The following PSMD1 variants were observed in gnomAD, a reference collection of about 807,000 sequenced individuals.
PSMD1 encodes proteasome 26S subunit, non-ATPase 1.
In PSMD1, 18 loss-of-function variants were observed where a neutral mutation model predicts 119.0. The ratio of observed to expected loss-of-function variants is 0.15; its 90% CI spans 0.10 to 0.22. The LOEUF is 0.22. Among genes scored for constraint, PSMD1 ranks in the 10% least tolerant of loss-of-function variants. The probability of loss-of-function intolerance (pLI) is 1.00; values close to 1 mark genes in which losing one functional copy is unlikely to be tolerated. For synonymous variants in PSMD1, 374 were observed against 396.6 expected (o/e 0.94, Z 0.68); for missense variants, 702 against 1,158.5 (o/e 0.61, Z 5.72).
rs1418024804 is a variant in PSMD1, at chr2:231,165,034, T to TTTTATATATATA, written c.2482-165_2482-164insTTATATATATAT. 32 of 21,834 alleles carry TTTTATATATATA rather than the reference T, an allele frequency of 1.5e-3. 4 individuals are homozygous for TTTTATATATATA. The highest frequency in any genetic ancestry group is 2.6e-3 in the Admixed American group (4 of 1,568). The allele number at this position is 21,834 out of a possible 1,614,324, so 1.4% of individuals were successfully genotyped here. A position where few individuals can be genotyped will look rare whatever the true frequency, so the allele number is the denominator to read the frequency against. ...CATTTATTCTTTGATTTATATATATTTATATATATATATATATATATATAT... is the reference window on the plus strand; with the variant it reads ...CATTTATTCTTTGATTTATATATATTTTTATATATATATATATATATATATATATATATATAT... On this transcript the variant is annotated intron_variant, in intron 21 of 24. Transcript: ENST00000308696.
Position 231,122,300 on chromosome 2 carries a change from A to G in PSMD1, c.1884-16436A>G, listed in dbSNP as rs1252380391. Among the ~76,000 whole-genome samples the G allele has an allele frequency of 3.9e-5, 6 of 152,252 alleles. No individual in the cohort carries two copies. In the East Asian group the frequency reaches 9.6e-4, roughly 24 times the overall value. ...TTACTATCTGATAATAGTTTTAGAT[A>G]TCTTTCTGTTATTACTTATAAAATT... is the stretch of plus-strand genomic sequence containing the variant. On this transcript the variant is annotated intron_variant, in intron 16 of 24. Coordinates refer to ENST00000308696, the MANE Select transcript of PSMD1 (RefSeq NM_002807.4).
At chr2:231,085,178 G>GTCTAGGT in intron 15 of PSMD1, 64 bp downstream of exon 15, 2 of 1,356,714 alleles carry the variant, frequency 1.5e-6, no homozygotes, top group Non-Finnish European at 1.1e-6. Flanking sequence ...GACAATAAGT[G>GTCTAGGT]TCTAGGTGAC....
chr2:231,123,283 C>T (rs1695609207), intron 16 of PSMD1: 1 of 747,678 alleles, frequency 1.3e-6, no homozygotes, highest in Non-Finnish European at 2.4e-6. Flanking sequence ...GGACTGTTTA[C>T]TTGCCGTATC....
chr2:231,087,255 CCAAA>C (rs1292252979), intron 16 of PSMD1, 74 bp downstream of exon 16: 36 of 1,292,228 alleles, frequency 2.8e-5, no homozygotes, highest in Non-Finnish European at 3.9e-5. Flanking sequence ...ACCGAAACTA[CCAAA>C]CAGTTTAGTC....
At chr2:231,123,979 A>G in intron 16 of PSMD1, 1 of 537,776 alleles carries the variant, frequency 1.9e-6, no homozygotes, top group Non-Finnish European at 3.3e-6. Flanking sequence ...AGTATTTATT[A>G]TTTTCTAGAG....
At chr2:231,080,013 G>A (rs1694267901) in intron 11 of PSMD1, 128 bp from the exon 12 acceptor site, 1 of 747,180 alleles carries the variant, frequency 1.3e-6, no homozygotes, top group South Asian at 2.5e-5. Context: ...ATATGAGAGA[G>A]AGCCCCACTA....
intron 16 of PSMD1, among the ~76,000 whole-genome samples, chr2:231,121,007 T>G (rs1695521449): frequency 1.3e-5 from 2 of 152,242 alleles, no homozygotes. Flanking sequence ...ATACATGCAG[T>G]TCCCAATTTA....
chr2:231,140,280 G>A (rs895285608), intron 17 of PSMD1, among the ~76,000 whole-genome samples: 36 of 151,832 alleles, frequency 2.4e-4, no homozygotes, highest in Admixed American at 1.3e-4. Flanking sequence ...CAGATCACGA[G>A]GTCAGGAGTT....
chr2:231,067,628 C>T (rs1050279184), intron 5 of PSMD1, among the ~76,000 whole-genome samples: 6 of 152,240 alleles, frequency 3.9e-5, no homozygotes, highest in Non-Finnish European at 7.4e-5. Context: ...CCTCGTTCCC[C>T]CTTCCAAAAA....
At chr2:231,141,363 A>G (rs1334905311) in intron 17 of PSMD1, among the ~76,000 whole-genome samples, 1 of 151,378 alleles carries the variant, frequency 6.6e-6, no homozygotes, top group East Asian at 1.9e-4. Context: ...AAAAATTTGT[A>G]AAGAGACATC....
At chr2:231,067,447 T>G (rs1693935921) in intron 5 of PSMD1, among the ~76,000 whole-genome samples, 1 of 152,146 alleles carries the variant, frequency 6.6e-6, no homozygotes, top group South Asian at 2.1e-4. Flanking sequence ...TTGCGGTGTT[T>G]GCAATAATTA....
intron 19 of PSMD1, among the ~76,000 whole-genome samples, 166 bp from the exon 20 acceptor site, chr2:231,161,173 CT>C (rs1379080140): frequency 2.0e-5 from 3 of 151,844 alleles, no homozygotes; most frequent in African/African-American, 7.3e-5. Context: ...GATCGTGCTG[CT>C]GCACTTGGGT....
intron 16 of PSMD1, among the ~76,000 whole-genome samples, chr2:231,115,587 T>A (rs1224200415): frequency 6.6e-6 from 1 of 152,008 alleles, no homozygotes; most frequent in East Asian, 1.9e-4. Flanking sequence ...TGCCTGCTTG[T>A]TGAATTGGGG....
At chr2:231,063,858 C>T (rs1340138485) in intron 4 of PSMD1, among the ~76,000 whole-genome samples, 1 of 151,300 alleles carries the variant, frequency 6.6e-6, no homozygotes, top group Non-Finnish European at 1.5e-5. Flanking sequence ...AGGGCAGGAT[C>T]TCACTGTGTT....
chr2:231,065,975 T>A (rs951355029), intron 4 of PSMD1, among the ~76,000 whole-genome samples: 1 of 152,260 alleles, frequency 6.6e-6, no homozygotes, highest in Non-Finnish European at 1.5e-5. Context: ...GTACCTTTTC[T>A]GTGTTTAGAC....
In PSMD1 at chr2:231,087,176, A is replaced by G. The variant is rs2125177864; in HGVS notation, c.1878A>G (p.Leu626=). 3 of 1,612,786 alleles carry G rather than the reference A, an allele frequency of 1.9e-6. No individual in the cohort carries two copies. Among genetic ancestry groups the G allele is most frequent in the Middle Eastern group, 1.7e-4 (1 of 6,026 alleles). ...RAAVESLGFI[L]FRTPEQCPSV... ...CAGTAGAATCACTTGGGTTCATTCT[A>G]TTCAGGTAATAACTTCAAACTTCTT... is the stretch of plus-strand genomic sequence containing the variant. The change falls in exon 16 of 25, where the codon CTA becomes CTG. Residue 626 remains leucine, a synonymous_variant. Transcript: ENST00000308696.
chr2:231,151,401 T>A (rs1696373524), intron 18 of PSMD1, among the ~76,000 whole-genome samples: 1 of 152,158 alleles, frequency 6.6e-6, no homozygotes, highest in Non-Finnish European at 1.5e-5. Context: ...TCAAAATAAT[T>A]CTTTACCAAG....
intron 16 of PSMD1, among the ~76,000 whole-genome samples, chr2:231,127,050 T>TAC (rs557480766): frequency 4.8e-4 from 73 of 152,088 alleles, no homozygotes; most frequent in Admixed American, 2.1e-3. Context: ...CACAGACGTA[T>TAC]ACACACACAC....
intron 16 of PSMD1, among the ~76,000 whole-genome samples, chr2:231,091,824 C>T (rs111552311): frequency 8.3e-4 from 126 of 152,140 alleles, no homozygotes; most frequent in African/African-American, 2.8e-3. Flanking sequence ...TCACCTCATC[C>T]CAACTATGTA....
Sources: allele counts gnomAD v4.1 joint callset (sites outside exome capture counted in the v4.1 genomes callset), GRCh38; gene constraint gnomAD v4.1.1; transcripts MANE v1.5; gene names NCBI Gene and HGNC (gene_info 2026-07-23, HGNC 2026-07-21).